Variants in MIR2052HG observed in about 807,000 individuals in gnomAD.
The protein encoded by MIR2052HG is MIR2052 host gene.
intron 2 of MIR2052HG, among the ~76,000 whole-genome samples, chr8:74,618,897 A>C (rs1338325469): frequency 6.6e-6 from 1 of 152,158 alleles, no homozygotes; most frequent in Non-Finnish European, 1.5e-5. Flanking sequence ...AAAAATCCCT[A>C]AAGACTTTAT....
intron 2 of MIR2052HG, among the ~76,000 whole-genome samples, chr8:74,651,042 CT>C (rs1238825278): frequency 6.6e-6 from 1 of 151,740 alleles, no homozygotes; most frequent in East Asian, 1.9e-4. Context: ...TGTTTCCTTT[CT>C]GGTTAATAGA....
At chr8:74,614,782 C>G (rs1286997452) in intron 2 of MIR2052HG, among the ~76,000 whole-genome samples, 2 of 151,286 alleles carry the variant, frequency 1.3e-5, no homozygotes, top group Non-Finnish European at 2.9e-5. Context: ...ACTTTTTGCT[C>G]TGATATAGGG....
chr8:74,671,113 C>CGTGTGT (rs34920389), intron 2 of MIR2052HG, among the ~76,000 whole-genome samples: 119 of 148,546 alleles, frequency 8.0e-4, no homozygotes, highest in African/African-American at 2.7e-3. Context: ...TGAGAGTGTA[C>CGTGTGT]GTGTGTGTGT....
rs1334215617 is a variant in MIR2052HG, at chr8:74,730,779, T to C, written n.372-21662T>C. On this transcript the variant is annotated intron_variant and non_coding_transcript_variant, in intron 4 of 6. Coordinates refer to ENST00000523442, the Ensembl canonical transcript of MIR2052HG. ...CATGAATATATATATTGATTAACTG[T>C]TGAAGCAATTTTTATGAAAACTAAA... Among the ~76,000 whole-genome samples the C allele has an allele frequency of 4.6e-5, 6 of 131,650 alleles. No individual in the cohort carries two copies. The East Asian group carries it at 1.4e-3, about 31-fold the overall frequency. The allele number at this position is 131,650 out of a possible 152,430, so 86.4% of individuals were successfully genotyped here.
At chr8:74,717,250 T>C (rs960142253) in intron 4 of MIR2052HG, among the ~76,000 whole-genome samples, 1 of 151,982 alleles carries the variant, frequency 6.6e-6, no homozygotes, top group Non-Finnish European at 1.5e-5. Flanking sequence ...AGTGAGAACA[T>C]GTGGTGTGTG....
At chr8:74,646,283 C>A (rs1563521924) in intron 2 of MIR2052HG, among the ~76,000 whole-genome samples, 1 of 152,180 alleles carries the variant, frequency 6.6e-6, no homozygotes, top group East Asian at 1.9e-4. Context: ...TATAAGAGTT[C>A]TCTGGCTGCA....
At position 74,607,704 on chromosome 8, in the gene MIR2052HG, A is replaced by G. The variant is rs373651233; in HGVS notation, n.129-5149A>G. The stretch of plus-strand genomic sequence containing the variant: ...TTATTCAGGAATTTAACCCTTTTTC[A>G]GTAATTAATAGTATAAGTGAAATAC... On this transcript the variant is annotated intron_variant and non_coding_transcript_variant, in intron 1 of 6. Transcript: ENST00000523442. Among the ~76,000 whole-genome samples the G allele has an allele frequency of 5.3e-5, 8 of 152,338 alleles. No individual in the cohort carries two copies. The East Asian group carries it at 1.5e-3, about 29-fold the overall frequency.
At chr8:74,621,356 C>T (rs1012804324) in intron 2 of MIR2052HG, among the ~76,000 whole-genome samples, 25 of 152,204 alleles carry the variant, frequency 1.6e-4, no homozygotes, top group Non-Finnish European at 7.3e-5. Flanking sequence ...CAGCACTCCA[C>T]TCTCTGTGGT....
At chr8:74,673,906 T>TATATATACAC (rs796668051) in intron 2 of MIR2052HG, among the ~76,000 whole-genome samples, 1 of 138,298 alleles carries the variant, frequency 7.2e-6, no homozygotes, top group Non-Finnish European at 1.5e-5. Flanking sequence ...TATATATATA[T>TATATATACAC]ATATACACAC....
chr8:74,693,493 A>C (rs1246616783), intron 2 of MIR2052HG, among the ~76,000 whole-genome samples: 1 of 151,694 alleles, frequency 6.6e-6, no homozygotes, highest in Non-Finnish European at 1.5e-5. Flanking sequence ...GGTGGGCAGG[A>C]TTCCTGAAAG....
chr8:74,620,848 C>T (rs1586892685), intron 2 of MIR2052HG, among the ~76,000 whole-genome samples: 2 of 152,354 alleles, frequency 1.3e-5, no homozygotes, highest in South Asian at 4.1e-4. Flanking sequence ...CTGTGGCAGG[C>T]TGGAATTTCT....
chr8:74,684,308 G>GT (rs998679686), intron 2 of MIR2052HG, among the ~76,000 whole-genome samples: 20 of 151,758 alleles, frequency 1.3e-4, no homozygotes, highest in African/African-American at 4.4e-4. Context: ...TGGGCATATC[G>GT]TTTTTTTGGA....
intron 2 of MIR2052HG, among the ~76,000 whole-genome samples, chr8:74,652,269 C>T (rs1808761274): frequency 6.6e-6 from 1 of 152,142 alleles, no homozygotes; most frequent in Admixed American, 6.5e-5. Flanking sequence ...TTGAATGTGG[C>T]CATATGACTT....
intron 4 of MIR2052HG, among the ~76,000 whole-genome samples, chr8:74,705,231 A>G (rs988173697): frequency 1.3e-5 from 2 of 152,056 alleles, no homozygotes; most frequent in African/African-American, 4.8e-5. Context: ...GGAAAAAATT[A>G]TTTAATTGAG....
chr8:74,602,345 A>G (rs1808012667), intron 1 of MIR2052HG, among the ~76,000 whole-genome samples: 2 of 152,162 alleles, frequency 1.3e-5, no homozygotes, highest in Admixed American at 6.5e-5. Flanking sequence ...GTTACCCTAT[A>G]TGGTCTAAAA....
intron 2 of MIR2052HG, among the ~76,000 whole-genome samples, chr8:74,683,947 A>G (rs770213764): frequency 3.3e-5 from 5 of 152,090 alleles, no homozygotes; most frequent in Non-Finnish European, 7.4e-5. Context: ...TACCTTCTAA[A>G]CTAGCACCTC....
At chr8:74,741,817 A>G (rs1809834680) in intron 4 of MIR2052HG, among the ~76,000 whole-genome samples, 1 of 152,192 alleles carries the variant, frequency 6.6e-6, no homozygotes, top group South Asian at 2.1e-4. Flanking sequence ...AAACAGTAAA[A>G]TCACCAAGAT....
intron 2 of MIR2052HG, among the ~76,000 whole-genome samples, chr8:74,621,714 G>A (rs1808363472): frequency 6.6e-6 from 1 of 152,164 alleles, no homozygotes; most frequent in South Asian, 2.1e-4. Flanking sequence ...GATTTGTGTG[G>A]GGACACAGAG....
At chr8:74,612,341 A>G (rs1314035226) in intron 1 of MIR2052HG, 1 of 156,498 alleles carries the variant, frequency 6.4e-6, no homozygotes, top group Non-Finnish European at 1.4e-5. Flanking sequence ...GTTTAGAGGT[A>G]TCTATTTCAG....
Sources: gnomAD v4.1 joint callset for allele counts (sites outside exome capture counted in the v4.1 genomes callset) on GRCh38, gnomAD v4.1.1 for gene constraint, MANE v1.5 for transcripts, NCBI Gene and HGNC (gene_info 2026-07-23, HGNC 2026-07-21) for gene names.